FHL2: variants seen among roughly 807,000 people sequenced by gnomAD.
FHL2 encodes four and a half LIM domains protein 2.
FHL2 carries 20 observed loss-of-function variants against 32.7 expected under a neutral mutation model. The ratio of observed to expected loss-of-function variants is 0.61; its 90% CI spans 0.43 to 0.89. The LOEUF is 0.89. Among genes scored for constraint, FHL2 ranks in the 40% least tolerant of loss-of-function variants. The pLI is 0.00. For missense variants in FHL2, 311 were observed against 358.6 expected (o/e 0.87, Z 1.07); for synonymous variants, 123 against 128.1 (o/e 0.96, Z 0.27).
intron 3 of FHL2, chr2:105,376,370 C>G (rs568947859): frequency 6.6e-6 from 1 of 152,292 alleles, no homozygotes; most frequent in South Asian, 2.1e-4. Flanking sequence ...TTAAAAAAAT[C>G]CAGAAACGAC....
intron 1 of FHL2, among the ~76,000 whole-genome samples, chr2:105,416,454 G>T (rs760910726): frequency 5.9e-5 from 9 of 152,202 alleles, no homozygotes; most frequent in Non-Finnish European, 1.2e-4. Context: ...AGCCATCTCA[G>T]ATCATCATCT....
In FHL2 at chr2:105,386,559, A is replaced by T; in HGVS notation, c.-24-19T>A. ...CAGCAACCTATCAAAAAGAAAAGAA[A>T]ATCCAAGTCCCATTAAGCACTCTCT... is the stretch of plus-strand genomic sequence containing the variant. On this transcript the variant is annotated intron_variant, in intron 2 of 6. Transcript: ENST00000530340. 1 of 1,612,912 alleles carries T rather than the reference A, an allele frequency of 6.2e-7. No individual in the cohort carries two copies. The highest frequency in any genetic ancestry group is 1.3e-5 in the African/African-American group (1 of 74,974).
At chr2:105,430,725 G>C (rs1025413946) in intron 1 of FHL2, among the ~76,000 whole-genome samples, 4 of 152,116 alleles carry the variant, frequency 2.6e-5, no homozygotes, top group Non-Finnish European at 4.4e-5. Context: ...GTAGGAGTTG[G>C]GTATAAAGAA....
At chr2:105,407,227 C>T (rs1683660545) in intron 1 of FHL2, among the ~76,000 whole-genome samples, 1 of 151,958 alleles carries the variant, frequency 6.6e-6, no homozygotes, top group African/African-American at 2.4e-5. Context: ...CCTGTCTCTA[C>T]TAAAAATACA....
intron 3 of FHL2, chr2:105,377,969 C>T: frequency 2.2e-6 from 1 of 444,778 alleles, no homozygotes; most frequent in Non-Finnish European, 4.6e-6. Flanking sequence ...AATACAATTT[C>T]TAGAAAATTT....
intron 1 of FHL2, among the ~76,000 whole-genome samples, chr2:105,430,258 A>T (rs1254196157): frequency 6.6e-6 from 1 of 152,212 alleles, no homozygotes; most frequent in African/African-American, 2.4e-5. Flanking sequence ...ATTGAAGCAC[A>T]CTGGAAAGGC....
At chr2:105,409,342 A>C (rs1290363793) in intron 1 of FHL2, among the ~76,000 whole-genome samples, 1 of 152,150 alleles carries the variant, frequency 6.6e-6, no homozygotes, top group African/African-American at 2.4e-5. Context: ...GTCGGGAATC[A>C]TTTTAGAGGA....
chr2:105,383,874 C>T lies in FHL2; in HGVS notation c.156+2487G>A, dbSNP rs116953895. ...CTTCAACTCAATGTCTCTTTTTGTTCCAAAATGTACAAAATCATACAGTGT... is the reference window on the plus strand; with the variant it reads ...CTTCAACTCAATGTCTCTTTTTGTTTCAAAATGTACAAAATCATACAGTGT... On this transcript the variant is annotated intron_variant, in intron 3 of 6. Coordinates refer to ENST00000530340, the MANE Select transcript of FHL2 (RefSeq NM_001318895.3). Among the ~76,000 whole-genome samples, 83 of 152,300 alleles carry T rather than the reference C, an allele frequency of 5.4e-4. 1 individual carries two copies. In the East Asian group the frequency reaches 0.015, roughly 28 times the overall value.
intron 4 of FHL2, among the ~76,000 whole-genome samples, chr2:105,373,347 C>T (rs144118260): frequency 2.0e-5 from 3 of 152,318 alleles, no homozygotes; most frequent in African/African-American, 4.8e-5. Flanking sequence ...CACTGCCCCA[C>T]GTGCACAGCA....
chr2:105,406,455 C>CTTTT lies in FHL2; in HGVS notation c.-24-19919_-24-19916dup, dbSNP rs10655752. 8.6e-4 allele frequency among the ~76,000 whole-genome samples: 122 copies of CTTTT among 141,478 alleles called. 1 individual carries two copies. The highest frequency in any genetic ancestry group is 5.2e-3 in the South Asian group (23 of 4,442). 92.8% of individuals were successfully genotyped at this position (141,478 alleles called of 152,430 possible). On this transcript the variant is annotated intron_variant, in intron 1 of 5. Transcript: ENST00000393352. ...TTTAAACTCGAGGGCTTTTTCTTATCTTTTTTTTTTTTTTGGCCTTCCTTT... is the reference window on the plus strand; with the variant it reads ...TTTAAACTCGAGGGCTTTTTCTTATCTTTTTTTTTTTTTTTTTTGGCCTTCCTTT...
intron 3 of FHL2, among the ~76,000 whole-genome samples, chr2:105,384,312 G>A (rs779305642): frequency 1.3e-5 from 2 of 152,156 alleles, no homozygotes; most frequent in Non-Finnish European, 2.9e-5. Flanking sequence ...AATGAAAAGC[G>A]ACAAAGAGAG....
At chr2:105,408,060 C>G (rs1030487964) in intron 1 of FHL2, among the ~76,000 whole-genome samples, 1 of 152,188 alleles carries the variant, frequency 6.6e-6, no homozygotes, top group Non-Finnish European at 1.5e-5. Context: ...AAGGTTCTTT[C>G]ATCTCTACCA....
At chr2:105,357,742 T>C (rs1038646520), downstream of FHL2, 1 of 152,150 alleles carries the variant, frequency 6.6e-6, no homozygotes, top group Non-Finnish European at 1.5e-5. Flanking sequence ...TGATCCACAG[T>C]TGGTTGAATC....
At chr2:105,420,334 G>A (rs1045109895) in intron 1 of FHL2, among the ~76,000 whole-genome samples, 11 of 152,026 alleles carry the variant, frequency 7.2e-5, no homozygotes, top group South Asian at 2.1e-4. Context: ...CTGTGTGTGC[G>A]TCTGCCCAAA....
upstream of FHL2, chr2:105,399,377 G>A (rs1289604739): frequency 1.3e-6 from 2 of 1,535,942 alleles, no homozygotes; most frequent in Non-Finnish European, 1.7e-6. Context: ...ATCTCTGCCT[G>A]GTCCCAGGAG....
upstream of FHL2, chr2:105,399,060 G>A (rs1683351612): frequency 2.0e-6 from 3 of 1,494,568 alleles, no homozygotes; most frequent in African/African-American, 4.4e-5. Flanking sequence ...GTGGAGCGCT[G>A]CGCAGCTCCC....
intron 3 of FHL2, among the ~76,000 whole-genome samples, chr2:105,385,516 C>G (rs1385174171): frequency 6.6e-6 from 1 of 152,160 alleles, no homozygotes; most frequent in African/African-American, 2.4e-5. Flanking sequence ...TGACTTGGTG[C>G]CCATTCAGTT....
chr2:105,388,419 T>C (rs1245433998), intron 2 of FHL2, among the ~76,000 whole-genome samples: 2 of 152,124 alleles, frequency 1.3e-5, no homozygotes, highest in African/African-American at 4.8e-5. Context: ...ACCACAGGAA[T>C]AGCTGGTGTG....
intron 1 of FHL2, among the ~76,000 whole-genome samples, chr2:105,407,296 G>A (rs1180000491): frequency 6.6e-6 from 1 of 151,666 alleles, no homozygotes; most frequent in Non-Finnish European, 1.5e-5. Flanking sequence ...GGAGGCTGAG[G>A]CAGGAGAATG....
Sources: gnomAD v4.1 joint callset for allele counts (sites outside exome capture counted in the v4.1 genomes callset) on GRCh38, gnomAD v4.1.1 for gene constraint, MANE v1.5 for transcripts, NCBI Gene and HGNC (gene_info 2026-07-23, HGNC 2026-07-21) for gene names.